Variants in EXOC2 observed in about 807,000 individuals in gnomAD.
EXOC2 encodes SEC5-like 1.
EXOC2 carries 70 observed loss-of-function variants against 131.8 expected under a neutral mutation model. The ratio of observed to expected loss-of-function variants is 0.53; its 90% CI spans 0.44 to 0.65. The LOEUF (loss-of-function observed/expected upper bound fraction) is 0.65. EXOC2 is among the 30% of genes least tolerant of loss of function. The pLI is 0.00. For synonymous variants in EXOC2, 411 were observed against 398.4 expected (o/e 1.03, Z -0.38); for missense variants, 923 against 1,108.6 (o/e 0.83, Z 2.38).
chr6:688,041 A>C (rs1431100353), intron 1 of EXOC2, among the ~76,000 whole-genome samples: 1 of 152,210 alleles, frequency 6.6e-6, no homozygotes, highest in African/African-American at 2.4e-5. Context: ...GATTGGTCTT[A>C]GCATAAATAC....
At chr6:600,758 A>G (rs1025839513) in intron 7 of EXOC2, among the ~76,000 whole-genome samples, 2 of 151,910 alleles carry the variant, frequency 1.3e-5, no homozygotes, top group Non-Finnish European at 2.9e-5. Flanking sequence ...AGACAGAGAA[A>G]AATTTATATG....
At chr6:679,457 G>C (rs543792879) in intron 1 of EXOC2, 1 of 152,318 alleles carries the variant, frequency 6.6e-6, no homozygotes, top group East Asian at 1.9e-4. Flanking sequence ...ATAGTTGTCG[G>C]CTGAATCTGT....
At position 632,950 on chromosome 6, in the gene EXOC2, C is replaced by G; in HGVS notation, c.286G>C (p.Glu96Gln). The change falls in exon 3 of 28, where the codon GAG becomes CAG. Residue 96 changes from glutamate (E) to glutamine (Q), a missense_variant. Physicochemically the swap from Glu to Gln is conservative, Grantham distance 29. Transcript: ENST00000230449. ...CCATGAAAGACTTTACCTATTTTCT[C>G]AGGTTTGAGTAGCTTGAAAGAGACT... ...STVSFKLLKP[E>Q]KIGILDQSAV... The G allele has an allele frequency of 6.2e-7, 1 of 1,603,760 alleles. No homozygotes were observed. Among genetic ancestry groups the G allele is most frequent in the Non-Finnish European group, 8.5e-7 (1 of 1,175,730 alleles).
chr6:577,818 T>C (rs1440463118), intron 11 of EXOC2, among the ~76,000 whole-genome samples: 4 of 152,210 alleles, frequency 2.6e-5, no homozygotes, highest in African/African-American at 9.6e-5. Context: ...AAGGCCTCAC[T>C]CAGTTTTTCT....
intron 1 of EXOC2, among the ~76,000 whole-genome samples, chr6:652,278 A>G (rs182612974): frequency 7.9e-5 from 12 of 152,352 alleles, no homozygotes; most frequent in Admixed American, 5.9e-4. Context: ...GCATTAAATC[A>G]GAATCTAGCC....
intron 1 of EXOC2, chr6:656,063 G>A (rs1763060174): frequency 1.1e-5 from 16 of 1,444,638 alleles, no homozygotes; most frequent in Non-Finnish European, 1.4e-5. Flanking sequence ...TTTTAGTTTT[G>A]AAAAGATCAA....
rs1759963114 is a variant in EXOC2 at position 598,774 on chromosome 6, C to T, written c.970+86G>A. ...GCCTCATATAAACAAAAACTAAAAA[C>T]TCATATAACATTCTTTGCAGAACAC... On this transcript the variant is annotated intron_variant, in intron 9 of 27. Coordinates refer to ENST00000230449, the MANE Select transcript of EXOC2 (RefSeq NM_018303.6). 6 of 1,064,722 alleles carry T rather than the reference C, an allele frequency of 5.6e-6. No individual in the cohort carries two copies. The Admixed American group carries it at 1.5e-4, about 26-fold the overall frequency. The allele number at this position is 1,064,722 out of a possible 1,614,324, so 66.0% of individuals were successfully genotyped here. A position where few individuals can be genotyped will look rare whatever the true frequency, so the allele number is the denominator to read the frequency against.
chr6:619,497 T>G lies in EXOC2; in HGVS notation c.469A>C (p.Ser157Arg). ...AAATTCTCACTTGTAAAATCAGCACTCATTCCATGGAATAGCATTTCTAAG... is the reference window on the plus strand; with the variant it reads ...AAATTCTCACTTGTAAAATCAGCACGCATTCCATGGAATAGCATTTCTAAG... ...KDLEMLFHGM[S>R]ADFTSENFSA... Residue 157 changes from serine (S) to arginine (R), a missense_variant, in exon 5 of 28, where the codon AGT becomes CGT. Ser to Arg is a moderately radical substitution (Grantham distance 110, BLOSUM62 -1). Coordinates refer to ENST00000230449, the MANE Select transcript of EXOC2 (RefSeq NM_018303.6). 6.2e-7 allele frequency: 1 copy of G among 1,614,138 alleles called. No individual in the cohort carries two copies. Among genetic ancestry groups the G allele is most frequent in the Non-Finnish European group, 8.5e-7 (1 of 1,180,006 alleles).
chr6:653,373 T>C (rs1025871111), intron 1 of EXOC2, among the ~76,000 whole-genome samples: 2 of 152,228 alleles, frequency 1.3e-5, no homozygotes, highest in African/African-American at 4.8e-5. Context: ...GGAAAAATTA[T>C]TGATGGAAAT....
At chr6:610,764 A>C (rs908837156) in intron 6 of EXOC2, among the ~76,000 whole-genome samples, 3 of 152,210 alleles carry the variant, frequency 2.0e-5, no homozygotes, top group African/African-American at 7.2e-5. Context: ...GCTAATATCT[A>C]TCTCTCTGCT....
chr6:612,887 A>ATAATGCTGGACTTGCC (rs1760787051), intron 6 of EXOC2, among the ~76,000 whole-genome samples: 1 of 152,218 alleles, frequency 6.6e-6, no homozygotes, highest in African/African-American at 2.4e-5. Context: ...GGGGCAAGTG[A>ATAATGCTGGACTTGCC]TAATGCTGGA....
chr6:503,443 A>G (rs1356422904), intron 23 of EXOC2, among the ~76,000 whole-genome samples: 1 of 152,218 alleles, frequency 6.6e-6, no homozygotes, highest in Non-Finnish European at 1.5e-5. Context: ...TGTAAAAAAC[A>G]TCTTTGCCCC....
At chr6:524,174 A>G (rs997886664) in intron 23 of EXOC2, 3 of 152,148 alleles carry the variant, frequency 2.0e-5, no homozygotes, top group Non-Finnish European at 2.9e-5. Flanking sequence ...ATTCATTAGG[A>G]CATTTACGTA....
chr6:656,806 C>T (rs749499481), intron 1 of EXOC2: 5 of 1,606,374 alleles, frequency 3.1e-6, no homozygotes, highest in African/African-American at 2.7e-5. Flanking sequence ...TGGAGGCCGC[C>T]GGAACCCGCG....
intron 4 of EXOC2, 62 bp downstream of exon 4, chr6:629,773 A>G: frequency 5.1e-6 from 8 of 1,583,162 alleles, no homozygotes; most frequent in Non-Finnish European, 6.9e-6. Context: ...CCTTTCCTGT[A>G]AGTATATAAA....
At chr6:559,463 A>G (rs892452257) in intron 17 of EXOC2, among the ~76,000 whole-genome samples, 1 of 152,168 alleles carries the variant, frequency 6.6e-6, no homozygotes, top group Non-Finnish European at 1.5e-5. Context: ...TCGTGGTAGG[A>G]CACTTCTTCA....
chr6:495,362 G>T (rs979535430), intron 25 of EXOC2, among the ~76,000 whole-genome samples: 11 of 150,686 alleles, frequency 7.3e-5, no homozygotes, highest in Admixed American at 6.6e-5. Flanking sequence ...CTGACCTCGT[G>T]ATCCGCCCGC....
At position 671,378 on chromosome 6, in the gene EXOC2, CTATT is replaced by C. The variant is rs375474607; in HGVS notation, c.-44+21637_-44+21640del. Among the ~76,000 whole-genome samples the C allele has an allele frequency of 3.9e-3, 586 of 151,228 alleles. 5 individuals carry two copies. The highest frequency in any genetic ancestry group is 0.013 in the African/African-American group (554 of 41,258). ...ACAAAAAAAAACAAAAAAAGAAAAA[CTATT>C]TGTTTTTTAAGCCAACAATTCATTA... is the stretch of plus-strand genomic sequence containing the variant. On this transcript the variant is annotated intron_variant, in intron 1 of 27. Coordinates refer to ENST00000230449, the MANE Select transcript of EXOC2 (RefSeq NM_018303.6).
At position 616,249 on chromosome 6, in the gene EXOC2, T is replaced by C. The variant is rs564994654; in HGVS notation, c.661+1462A>G. Among the ~76,000 whole-genome samples the C allele has an allele frequency of 4.3e-4, 66 of 152,324 alleles. 1 individual carries two copies. Among genetic ancestry groups the C allele is most frequent in the African/African-American group, 1.6e-3 (66 of 41,572 alleles). ...TCAAGAAACATAAGGCACACATATT[T>C]ATCAGGAAGAGCACCTACCTTCTCT... On this transcript the variant is annotated intron_variant, in intron 6 of 27. Transcript: ENST00000230449.
Sources: gnomAD v4.1 joint callset for allele counts (sites outside exome capture counted in the v4.1 genomes callset) on GRCh38, gnomAD v4.1.1 for gene constraint, MANE v1.5 for transcripts, NCBI Gene and HGNC (gene_info 2026-07-23, HGNC 2026-07-21) for gene names.